Variants in ZC3H12B observed in about 807,000 individuals in gnomAD.
The protein encoded by ZC3H12B is zinc finger CCCH-type containing 12B.
Under a neutral mutation model 43.9 loss-of-function variants are expected in ZC3H12B, and 7 were observed. The observed-to-expected ratio is 0.16, with a 90% CI of 0.09 to 0.30. ZC3H12B has a LOEUF of 0.30. ZC3H12B is among the 10% of genes least tolerant of loss of function. ZC3H12B has a pLI of 1.00. For missense variants in ZC3H12B, 475 were observed against 670.2 expected, an observed-to-expected ratio of 0.71 and a Z score of 3.22; for synonymous variants, 222 against 241.7, an observed-to-expected ratio of 0.92 and a Z score of 0.76.
the ZC3H12B span, among the ~76,000 whole-genome samples, chrX:65,080,803 T>C: frequency 5.4e-5 from 6 of 111,662 alleles, no homozygotes; most frequent in Admixed American, 5.7e-4. Context: ...TCACTGGTAA[T>C]AGTAAGTACA....
At chrX:65,188,354 C>T in the ZC3H12B span, among the ~76,000 whole-genome samples, 1 of 97,289 alleles carries the variant, frequency 1.0e-5, no homozygotes, top group East Asian at 3.2e-4. Context: ...CATGTGGTTG[C>T]TCTATTTTTT....
chrX:65,286,298 T>G, the ZC3H12B span, among the ~76,000 whole-genome samples: 57 of 111,481 alleles, frequency 5.1e-4, no homozygotes, highest in Non-Finnish European at 4.9e-4. Flanking sequence ...TTCTCCTAAG[T>G]AAAGTAACAC....
At chrX:65,362,949 T>A (rs1378590012), upstream of ZC3H12B, among the ~76,000 whole-genome samples, 4 of 110,892 alleles carry the variant, frequency 3.6e-5, no homozygotes, top group Non-Finnish European at 7.5e-5. Context: ...TAACCCATTA[T>A]TCCATTCTTG....
At chrX:65,386,215 G>A (rs961173597) in intron 2 of ZC3H12B, among the ~76,000 whole-genome samples, 2 of 111,737 alleles carry the variant, frequency 1.8e-5, no homozygotes, top group African/African-American at 3.3e-5. Flanking sequence ...AGTTTCAGAA[G>A]GAATGGTACC....
chrX:65,397,612 G>A (rs1328658913), intron 2 of ZC3H12B, among the ~76,000 whole-genome samples: 1 of 111,097 alleles, frequency 9.0e-6, no homozygotes. Context: ...AAAAAGCTAG[G>A]TATACAAGAA....
the ZC3H12B span, among the ~76,000 whole-genome samples, chrX:65,087,528 C>T: frequency 9.0e-5 from 10 of 111,253 alleles, no homozygotes; most frequent in East Asian, 5.7e-4. Context: ...GACACAGGGG[C>T]GATCGAGAGT....
chrX:65,273,833 A>G, the ZC3H12B span, among the ~76,000 whole-genome samples: 1 of 112,569 alleles, frequency 8.9e-6, no homozygotes, highest in East Asian at 2.8e-4. Flanking sequence ...CCAAATATGG[A>G]TACAATGCCT....
At chrX:65,128,641 G>A in the ZC3H12B span, among the ~76,000 whole-genome samples, 1 of 111,554 alleles carries the variant, frequency 9.0e-6, no homozygotes, top group Non-Finnish European at 1.9e-5. Flanking sequence ...TGTTAAGAGA[G>A]GTTTGTTGAA....
upstream of ZC3H12B, among the ~76,000 whole-genome samples, chrX:65,485,489 C>G (rs1014037921): frequency 2.7e-5 from 3 of 112,506 alleles, no homozygotes; most frequent in Non-Finnish European, 5.6e-5. Context: ...ATCCTGGGCT[C>G]AAGCGATCCT....
the ZC3H12B span, among the ~76,000 whole-genome samples, chrX:65,120,804 T>C: frequency 9.0e-6 from 1 of 111,713 alleles, no homozygotes; most frequent in Non-Finnish European, 1.9e-5. Context: ...ATACCTCTTA[T>C]TATTTTGAGA....
chrX:65,125,502 G>A, the ZC3H12B span, among the ~76,000 whole-genome samples: 1 of 111,507 alleles, frequency 9.0e-6, no homozygotes, highest in Non-Finnish European at 1.9e-5. Context: ...ATTTGTTGTA[G>A]AGTATAGTTT....
chrX:65,448,029 G>A (rs1172653532), intron 3 of ZC3H12B, among the ~76,000 whole-genome samples: 5 of 110,746 alleles, frequency 4.5e-5, no homozygotes, highest in Non-Finnish European at 9.5e-5. Flanking sequence ...TCAGGAGATC[G>A]AGACCATCCC....
the ZC3H12B span, among the ~76,000 whole-genome samples, chrX:65,350,891 T>A: frequency 8.9e-6 from 1 of 111,878 alleles, no homozygotes; most frequent in Non-Finnish European, 1.9e-5. Flanking sequence ...ATGGCCATAC[T>A]GCCTAAAGTA....
At chrX:65,291,851 C>G in the ZC3H12B span, among the ~76,000 whole-genome samples, 21 of 111,678 alleles carry the variant, frequency 1.9e-4, no homozygotes, top group Admixed American at 2.0e-3. Context: ...AATGCTAACA[C>G]TAATTAAAAG....
chrX:65,487,617 T>C (rs2068142609), upstream of ZC3H12B, among the ~76,000 whole-genome samples: 1 of 112,499 alleles, frequency 8.9e-6, no homozygotes, highest in African/African-American at 3.2e-5. Context: ...TATTATGTTC[T>C]GGTTTCTCTT....
intron 3 of ZC3H12B, among the ~76,000 whole-genome samples, chrX:65,475,915 G>T (rs1356299079): frequency 8.9e-6 from 1 of 111,958 alleles, no homozygotes. Context: ...ACAATTCCAG[G>T]TGAGATTTGG....
the ZC3H12B span, among the ~76,000 whole-genome samples, chrX:65,080,897 A>G: frequency 9.0e-6 from 1 of 111,652 alleles, no homozygotes; most frequent in Non-Finnish European, 1.9e-5. Context: ...TGATGAATCA[A>G]TCATAAATAA....
the ZC3H12B span, among the ~76,000 whole-genome samples, chrX:65,082,642 G>A: frequency 5.4e-5 from 6 of 110,694 alleles, no homozygotes; most frequent in South Asian, 3.9e-4. Context: ...ATAAAGAAAA[G>A]CCTGGGAGCT....
the ZC3H12B span, among the ~76,000 whole-genome samples, chrX:65,153,412 G>T: frequency 8.9e-6 from 1 of 112,041 alleles, no homozygotes; most frequent in East Asian, 2.8e-4. Flanking sequence ...ATCAAAAAGT[G>T]GGCGAAAGAC....
Sources: gnomAD v4.1 joint callset for allele counts (sites outside exome capture counted in the v4.1 genomes callset) on GRCh38, gnomAD v4.1.1 for gene constraint, MANE v1.5 for transcripts, NCBI Gene and HGNC (gene_info 2026-07-23, HGNC 2026-07-21) for gene names.